KHDRBS3: variants seen among roughly 807,000 people sequenced by gnomAD.
KHDRBS3 encodes KH RNA binding domain containing, signal transduction associated 3.
Under a neutral mutation model 45.6 loss-of-function variants are expected in KHDRBS3, and 23 were observed. That is an observed-to-expected ratio of 0.50 (90% CI 0.36 to 0.72). The LOEUF (loss-of-function observed/expected upper bound fraction) is 0.72. Among genes scored for constraint, KHDRBS3 ranks in the 30% least tolerant of loss-of-function variants. The probability of loss-of-function intolerance (pLI) is 0.00; values close to 1 mark genes in which losing one functional copy is unlikely to be tolerated. For synonymous variants in KHDRBS3, 162 were observed against 156.5 expected (o/e 1.04, Z -0.26); for missense variants, 352 against 424.8 (o/e 0.83, Z 1.51).
At chr8:135,483,232 CTT>C (rs1430868222) in intron 1 of KHDRBS3, among the ~76,000 whole-genome samples, 1 of 152,220 alleles carries the variant, frequency 6.6e-6, no homozygotes, top group Non-Finnish European at 1.5e-5. Flanking sequence ...TTTATGGACT[CTT>C]TTCTTTTACA....
At chr8:135,608,086 G>A (rs907474105) in intron 7 of KHDRBS3, among the ~76,000 whole-genome samples, 1 of 152,116 alleles carries the variant, frequency 6.6e-6, no homozygotes, top group Non-Finnish European at 1.5e-5. Flanking sequence ...TGTGGTGAAT[G>A]CTTGATAAGA....
intron 6 of KHDRBS3, among the ~76,000 whole-genome samples, chr8:135,590,997 CA>C (rs1477810183): frequency 6.6e-6 from 1 of 152,182 alleles, no homozygotes; most frequent in Non-Finnish European, 1.5e-5. Flanking sequence ...CATAAGAATA[CA>C]AAAACTCCTT....
chr8:135,495,777 G>T (rs1247173810), intron 1 of KHDRBS3, among the ~76,000 whole-genome samples: 5 of 152,134 alleles, frequency 3.3e-5, no homozygotes, highest in African/African-American at 1.2e-4. Context: ...GGATGGATAG[G>T]TAGATAATTG....
chr8:135,632,019 G>C (rs1351775106), intron 7 of KHDRBS3, among the ~76,000 whole-genome samples: 2 of 152,154 alleles, frequency 1.3e-5, no homozygotes, highest in East Asian at 3.9e-4. Flanking sequence ...ATATGGTCTG[G>C]CATTGAATGA....
chr8:135,584,093 GT>G (rs1828343265), intron 6 of KHDRBS3, among the ~76,000 whole-genome samples: 1 of 152,118 alleles, frequency 6.6e-6, no homozygotes, highest in East Asian at 1.9e-4. Context: ...CCAGACAAAG[GT>G]TTAAGAGCTC....
In KHDRBS3 at chr8:135,582,089, A is replaced by G; in HGVS notation, c.807+16A>G. On this transcript the variant is annotated intron_variant, in intron 6 of 8. Transcript: ENST00000355849. ...TGGAGAATATGTAAGTGAAGGTGTC[A>G]GACAACAGCCTTGTTCATCAGATTG... 6.6e-7 allele frequency: 1 copy of G among 1,519,418 alleles called. No homozygotes were observed. The highest frequency in any genetic ancestry group is 8.9e-7 in the Non-Finnish European group (1 of 1,126,100). The allele number at this position is 1,519,418 out of a possible 1,614,324, so 94.1% of individuals were successfully genotyped here.
chr8:135,484,811 G>T (rs957689729), intron 1 of KHDRBS3, among the ~76,000 whole-genome samples: 3 of 152,134 alleles, frequency 2.0e-5, no homozygotes, highest in African/African-American at 7.2e-5. Context: ...CAGCCTGCAG[G>T]TTGCAACCCT....
intron 7 of KHDRBS3, among the ~76,000 whole-genome samples, chr8:135,619,028 G>T (rs575999997): frequency 6.6e-6 from 1 of 152,196 alleles, no homozygotes; most frequent in Non-Finnish European, 1.5e-5. Context: ...TCTGTGCAGA[G>T]TATCACAAAC....
At position 135,457,764 on chromosome 8, in the gene KHDRBS3, C is replaced by T; in HGVS notation, c.-103C>T. 1 of 439,052 alleles carries T rather than the reference C, an allele frequency of 2.3e-6. No individual in the cohort carries two copies. Among genetic ancestry groups the T allele is most frequent in the Non-Finnish European group, 3.4e-6 (1 of 298,284 alleles). The allele number at this position is 439,052 out of a possible 1,614,324, so 27.2% of individuals were successfully genotyped here. A position where few individuals can be genotyped will look rare whatever the true frequency, so the allele number is the denominator to read the frequency against. Reference sequence around the variant, plus strand: ...GCTTGGCCGCTGCTGCCGCGTCTGGCCCCCGGGTCCCCGCCGCTGGGGGCG... The same window carrying T: ...GCTTGGCCGCTGCTGCCGCGTCTGGTCCCCGGGTCCCCGCCGCTGGGGGCG... On this transcript the variant is annotated 5_prime_UTR_variant, in exon 1 of 9. Transcript: ENST00000355849. This position sits in a 1 kb window ranked among gnomAD's most constrained non-coding sequence, Gnocchi z 4.4.
chr8:135,608,109 C>T (rs72732399), intron 7 of KHDRBS3, among the ~76,000 whole-genome samples: 7,274 of 152,006 alleles, frequency 0.048, 285 homozygotes, highest in East Asian at 0.19. Context: ...TTGTATACAC[C>T]GTCTCATTTA....
intron 7 of KHDRBS3, among the ~76,000 whole-genome samples, chr8:135,627,094 C>T (rs1830406991): frequency 6.6e-6 from 1 of 152,062 alleles, no homozygotes; most frequent in South Asian, 2.1e-4. Context: ...CTTTTAGGGA[C>T]GGGTTAAACT....
At position 135,482,136 on chromosome 8, in the gene KHDRBS3, G is replaced by A. The variant is rs1452411245; in HGVS notation, c.88+24182G>A. On this transcript the variant is annotated intron_variant, in intron 1 of 8. Coordinates refer to ENST00000355849, the MANE Select transcript of KHDRBS3 (RefSeq NM_006558.3). ...TTCAGAATTTGGAAAAGCTGTTGGA[G>A]AAGCACTTCTTTCTGGTTTTCTTCT... 4.6e-5 allele frequency among the ~76,000 whole-genome samples: 7 copies of A among 152,194 alleles called. No homozygotes were observed. In the East Asian group the frequency reaches 1.3e-3, roughly 29 times the overall value.
chr8:135,542,712 A>G lies in KHDRBS3; in HGVS notation c.266A>G (p.Glu89Gly). 6.2e-7 allele frequency: 1 copy of G among 1,613,904 alleles called. No homozygotes were observed. The highest frequency in any genetic ancestry group is 1.1e-5 in the South Asian group (1 of 91,066). ...GGCAATTCTCTGAAGCGTTTACAAG[A>G]AGAAACCTTGACAAAAATGTCCATC... ...PRGNSLKRLQ[E>G]ETLTKMSILG... The change falls in exon 3 of 9, where the codon GAA (glutamate) becomes GGA (glycine). Residue 89 changes from glutamate (E) to glycine (G), a missense_variant. Physicochemically the swap from Glu to Gly is moderately conservative, Grantham distance 98 (BLOSUM62 -2). Around this residue, in one of 6 missense-constraint regions of KHDRBS3, gnomAD observed 15 missense variants for 30.2 expected, o/e 0.50. Coordinates refer to ENST00000355849, the MANE Select transcript of KHDRBS3 (RefSeq NM_006558.3).
intron 5 of KHDRBS3, among the ~76,000 whole-genome samples, chr8:135,566,942 A>T (rs1827449692): frequency 6.6e-6 from 1 of 152,216 alleles, no homozygotes; most frequent in Non-Finnish European, 1.5e-5. Flanking sequence ...TAAACAGTTA[A>T]TAGAAGAAAC....
At chr8:135,562,288 G>A (rs896641609) in intron 5 of KHDRBS3, among the ~76,000 whole-genome samples, 1 of 152,098 alleles carries the variant, frequency 6.6e-6, no homozygotes, top group African/African-American at 2.4e-5. Context: ...TCTGTGTTTA[G>A]ATATGTGTAG....
At chr8:135,469,669 C>CA (rs1482651221) in intron 1 of KHDRBS3, among the ~76,000 whole-genome samples, 2 of 152,160 alleles carry the variant, frequency 1.3e-5, no homozygotes, top group Non-Finnish European at 2.9e-5. Flanking sequence ...GCTGGGATTA[C>CA]AGGCATGTGC....
At chr8:135,462,739 G>A (rs888604290) in intron 1 of KHDRBS3, among the ~76,000 whole-genome samples, 9 of 152,056 alleles carry the variant, frequency 5.9e-5, no homozygotes, top group African/African-American at 1.9e-4. Context: ...CTTGCCCATG[G>A]TGACATGCTT....
downstream of KHDRBS3, among the ~76,000 whole-genome samples, chr8:135,651,293 A>G (rs13260887): frequency 0.16 from 24,382 of 149,660 alleles, 2,548 homozygotes; most frequent in Middle Eastern, 0.27. Context: ...CATAGTCTAT[A>G]TATATATTTA....
chr8:135,505,783 A>G (rs144170568), intron 1 of KHDRBS3, among the ~76,000 whole-genome samples: 3 of 152,128 alleles, frequency 2.0e-5, no homozygotes, highest in Non-Finnish European at 4.4e-5. Flanking sequence ...CCTCCGAGAA[A>G]TGGGTCCTGG....
Sources: allele counts gnomAD v4.1 joint callset (sites outside exome capture counted in the v4.1 genomes callset), GRCh38; gene constraint gnomAD v4.1.1; regional missense constraint gnomAD v4.1.1; non-coding constraint Gnocchi (gnomAD v3.1); transcripts MANE v1.5; gene names NCBI Gene and HGNC (gene_info 2026-07-23, HGNC 2026-07-21).